The following SLC35F3 variants were observed in gnomAD, a reference collection of about 807,000 sequenced individuals.
The protein encoded by SLC35F3 is putative thiamine transporter SLC35F3.
In SLC35F3, 25 loss-of-function variants were observed where a neutral mutation model predicts 49.9. That is an observed-to-expected ratio of 0.50 (90% CI 0.37 to 0.70). The LOEUF (loss-of-function observed/expected upper bound fraction) is 0.70. Among genes scored for constraint, SLC35F3 ranks in the 30% least tolerant of loss-of-function variants. The pLI is 0.00. For synonymous variants in SLC35F3, 275 were observed against 265.4 expected, an observed-to-expected ratio of 1.04 and a Z score of -0.35; for missense variants, 525 against 639.8, an observed-to-expected ratio of 0.82 and a Z score of 1.94.
At chr1:234,034,624 G>A (rs921310800) in intron 2 of SLC35F3, among the ~76,000 whole-genome samples, 12 of 146,360 alleles carry the variant, frequency 8.2e-5, no homozygotes, top group African/African-American at 2.5e-4. Flanking sequence ...GGATTCAAGC[G>A]ATTATCCTGC....
At chr1:234,148,482 C>T (rs535222932) in intron 2 of SLC35F3, among the ~76,000 whole-genome samples, 1 of 152,116 alleles carries the variant, frequency 6.6e-6, no homozygotes, top group South Asian at 2.1e-4. Flanking sequence ...AAACTAGAGA[C>T]AGAAAATCTA....
intron 2 of SLC35F3, among the ~76,000 whole-genome samples, chr1:234,223,383 C>A (rs1429751858): frequency 6.6e-6 from 1 of 152,166 alleles, no homozygotes; most frequent in Admixed American, 6.5e-5. Context: ...TCCACCACCC[C>A]ATTCCAGCCC....
intron 2 of SLC35F3, among the ~76,000 whole-genome samples, chr1:233,958,839 C>T (rs1204373269): frequency 6.6e-6 from 1 of 152,210 alleles, no homozygotes; most frequent in African/African-American, 2.4e-5. Flanking sequence ...TTTGACCTCA[C>T]TTAAGTTTTA....
intron 2 of SLC35F3, among the ~76,000 whole-genome samples, chr1:234,228,692 G>C (rs1667323394): frequency 6.6e-6 from 1 of 152,126 alleles, no homozygotes. Flanking sequence ...GTGGGTTTGT[G>C]TGTCCATTTG....
At position 234,095,676 on chromosome 1, in the gene SLC35F3, A is replaced by G. The variant is rs534604625; in HGVS notation, c.284-135741A>G. On this transcript the variant is annotated intron_variant, in intron 2 of 7. Coordinates refer to ENST00000366618, the MANE Select transcript of SLC35F3 (RefSeq NM_173508.4). ...TCATGAAGGGCAACAGATTGTCATC[A>G]TTGACTCGGGCATCCCAGGAGTCAA... Among the ~76,000 whole-genome samples, 3 of 152,350 alleles carry G rather than the reference A, an allele frequency of 2.0e-5. No individual in the cohort carries two copies. In the East Asian group the frequency reaches 5.8e-4, roughly 29 times the overall value.
intron 3 of SLC35F3, among the ~76,000 whole-genome samples, chr1:234,283,604 G>T (rs1018905191): frequency 2.6e-5 from 4 of 152,234 alleles, no homozygotes; most frequent in African/African-American, 9.6e-5. Flanking sequence ...GCTACGGAAA[G>T]ATAGCTGAAT....
At chr1:234,004,023 TAGGAA>T in intron 2 of SLC35F3, among the ~76,000 whole-genome samples, 1 of 152,158 alleles carries the variant, frequency 6.6e-6, no homozygotes, top group Non-Finnish European at 1.5e-5. Flanking sequence ...CTGCAGCCAC[TAGGAA>T]GGGCAATTTG....
intron 3 of SLC35F3, among the ~76,000 whole-genome samples, chr1:234,296,380 A>G (rs1668593507): frequency 6.6e-6 from 1 of 152,126 alleles, no homozygotes; most frequent in South Asian, 2.1e-4. Context: ...AAAAGTATTC[A>G]GAGTAGATTT....
At chr1:233,994,818 C>T (rs1663431926) in intron 2 of SLC35F3, among the ~76,000 whole-genome samples, 2 of 151,838 alleles carry the variant, frequency 1.3e-5, no homozygotes, top group African/African-American at 2.4e-5. Context: ...TAGGCAGTTT[C>T]TAAGTTTTTC....
Position 234,234,987 on chromosome 1 carries a change from G to T in SLC35F3, c.608+3246G>T, listed in dbSNP as rs1667441905. ...CCATGCTTTGTTCGTGAGCTGCCTT[G>T]TGGTGGCCAATTTAAACTACGAGAG... is the stretch of plus-strand genomic sequence containing the variant. On this transcript the variant is annotated intron_variant, in intron 3 of 7. Coordinates refer to ENST00000366618, the MANE Select transcript of SLC35F3 (RefSeq NM_173508.4). 2.0e-5 allele frequency among the ~76,000 whole-genome samples: 3 copies of T among 152,144 alleles called. No homozygotes were observed. In the South Asian group the frequency reaches 6.2e-4, roughly 32 times the overall value.
chr1:234,268,139 C>A (rs1045103431), intron 3 of SLC35F3, among the ~76,000 whole-genome samples: 41 of 152,162 alleles, frequency 2.7e-4, no homozygotes, highest in African/African-American at 8.9e-4. Flanking sequence ...GCCGAGATCA[C>A]GCCACTGCAC....
At chr1:234,280,393 T>C (rs745811852) in intron 3 of SLC35F3, among the ~76,000 whole-genome samples, 23 of 152,382 alleles carry the variant, frequency 1.5e-4, no homozygotes, top group Admixed American at 7.8e-4. Flanking sequence ...AATGGCTGTT[T>C]AAACCTTTCT....
At chr1:234,274,938 T>C (rs907885249) in intron 3 of SLC35F3, among the ~76,000 whole-genome samples, 1 of 152,120 alleles carries the variant, frequency 6.6e-6, no homozygotes, top group Non-Finnish European at 1.5e-5. Context: ...AAGAATGAGT[T>C]CTCCATCAAT....
At chr1:234,041,950 C>T (rs1402836559) in intron 2 of SLC35F3, among the ~76,000 whole-genome samples, 2 of 152,172 alleles carry the variant, frequency 1.3e-5, no homozygotes, top group East Asian at 3.8e-4. Flanking sequence ...GAGCTCATGG[C>T]ACCATCTTTA....
At chr1:234,282,946 G>T (rs1668352466) in intron 3 of SLC35F3, among the ~76,000 whole-genome samples, 1 of 152,198 alleles carries the variant, frequency 6.6e-6, no homozygotes, top group Admixed American at 6.5e-5. Flanking sequence ...GTACAAACAA[G>T]ACTAGAAAGA....
At chr1:234,114,511 G>A (rs954335210) in intron 2 of SLC35F3, among the ~76,000 whole-genome samples, 1 of 152,144 alleles carries the variant, frequency 6.6e-6, no homozygotes, top group African/African-American at 2.4e-5. Flanking sequence ...GCAGAATACC[G>A]TGAGATAGTT....
intron 2 of SLC35F3, among the ~76,000 whole-genome samples, chr1:234,022,841 T>C (rs1288355195): frequency 6.6e-6 from 1 of 152,186 alleles, no homozygotes; most frequent in Non-Finnish European, 1.5e-5. Flanking sequence ...TAATAAGATA[T>C]ATTTAGTGAG....
At chr1:234,240,374 T>A (rs1469058558) in intron 3 of SLC35F3, among the ~76,000 whole-genome samples, 6 of 149,426 alleles carry the variant, frequency 4.0e-5, no homozygotes, top group African/African-American at 7.4e-5. Context: ...GGAGGCTGAG[T>A]CGGGTGGATC....
At chr1:234,137,585 G>C (rs1431887190) in intron 2 of SLC35F3, among the ~76,000 whole-genome samples, 2 of 152,154 alleles carry the variant, frequency 1.3e-5, no homozygotes, top group African/African-American at 4.8e-5. Flanking sequence ...AAGAGAGAGA[G>C]ACACAGCTTG....
Sources: allele counts gnomAD v4.1 joint callset (sites outside exome capture counted in the v4.1 genomes callset), GRCh38; gene constraint gnomAD v4.1.1; transcripts MANE v1.5; gene names NCBI Gene and HGNC (gene_info 2026-07-23, HGNC 2026-07-21).